The following RABGAP1L variants were observed in gnomAD, a reference collection of about 807,000 sequenced individuals.
RABGAP1L encodes rab GTPase-activating protein 1-like.
RABGAP1L carries 63 observed loss-of-function variants against 137.7 expected under a neutral mutation model. The ratio of observed to expected loss-of-function variants is 0.46; its 90% CI spans 0.37 to 0.56. The LOEUF (loss-of-function observed/expected upper bound fraction) is 0.56, where lower values mean the gene tolerates loss of function less well. RABGAP1L is among the 20% of genes least tolerant of loss of function. RABGAP1L has a pLI of 0.00. For missense variants in RABGAP1L, 1,095 were observed against 1,244.0 expected (o/e 0.88, Z 1.80); for synonymous variants, 431 against 433.7 (o/e 0.99, Z 0.08).
At chr1:174,563,930 C>T (rs1389824035) in intron 13 of RABGAP1L, among the ~76,000 whole-genome samples, 1 of 152,072 alleles carries the variant, frequency 6.6e-6, no homozygotes, top group African/African-American at 2.4e-5. Context: ...TAGTAGAAAA[C>T]ATGACCTCTA....
At chr1:174,186,162 A>T (rs909880752) in intron 1 of RABGAP1L, among the ~76,000 whole-genome samples, 201 of 151,726 alleles carry the variant, frequency 1.3e-3, no homozygotes, top group Non-Finnish European at 2.2e-3. Flanking sequence ...AAAAAAAAAA[A>T]TTTCTTAAAA....
chr1:174,175,890 G>A (rs1665808978), intron 1 of RABGAP1L, among the ~76,000 whole-genome samples: 1 of 152,124 alleles, frequency 6.6e-6, no homozygotes, highest in African/African-American at 2.4e-5. Flanking sequence ...CTCTCAGAGT[G>A]CTGGGATTAG....
chr1:174,854,289 GAATA>G (rs1178888925), intron 19 of RABGAP1L, among the ~76,000 whole-genome samples: 2 of 152,172 alleles, frequency 1.3e-5, no homozygotes, highest in South Asian at 2.1e-4. Context: ...CTTCATGAAT[GAATA>G]GTTTGGCAGG....
At chr1:174,630,675 T>C (rs2148310581) in intron 13 of RABGAP1L, among the ~76,000 whole-genome samples, 2 of 136,294 alleles carry the variant, frequency 1.5e-5, no homozygotes, top group Non-Finnish European at 3.1e-5. Context: ...CTAGTTTATT[T>C]GTGTAGAGGT....
At chr1:174,543,629 C>T (rs1223193061) in intron 13 of RABGAP1L, among the ~76,000 whole-genome samples, 1 of 152,138 alleles carries the variant, frequency 6.6e-6, no homozygotes, top group East Asian at 1.9e-4. Flanking sequence ...GAATTTGAGC[C>T]TGTCATTATG....
chr1:174,300,845 G>A (rs896634722), intron 10 of RABGAP1L, among the ~76,000 whole-genome samples: 1 of 152,156 alleles, frequency 6.6e-6, no homozygotes, highest in African/African-American at 2.4e-5. Context: ...CAGCCTGGGT[G>A]ACAGAGTGAG....
intron 1 of RABGAP1L, among the ~76,000 whole-genome samples, chr1:174,190,522 C>T (rs1400338627): frequency 6.6e-6 from 1 of 152,074 alleles, no homozygotes; most frequent in Non-Finnish European, 1.5e-5. Flanking sequence ...GCTTCCTTAC[C>T]CTTTTTATCC....
chr1:174,846,315 T>C (rs998413108), intron 19 of RABGAP1L, among the ~76,000 whole-genome samples: 1 of 150,226 alleles, frequency 6.7e-6, no homozygotes, highest in African/African-American at 2.5e-5. Flanking sequence ...TTAATTGTGA[T>C]GTTAGGGTGT....
intron 15 of RABGAP1L, among the ~76,000 whole-genome samples, chr1:174,687,339 G>A (rs1678553898): frequency 6.6e-6 from 1 of 152,126 alleles, no homozygotes; most frequent in African/African-American, 2.4e-5. Context: ...TACATTAATA[G>A]AATTATTCAG....
At chr1:174,917,009 CTT>C (rs756082256) in intron 19 of RABGAP1L, among the ~76,000 whole-genome samples, 1 of 152,206 alleles carries the variant, frequency 6.6e-6, no homozygotes, top group Non-Finnish European at 1.5e-5. Flanking sequence ...GGTGAGAACT[CTT>C]TTCCTGGCTT....
At chr1:174,966,007 T>C (rs978582134) in intron 20 of RABGAP1L, among the ~76,000 whole-genome samples, 4 of 152,226 alleles carry the variant, frequency 2.6e-5, no homozygotes, top group East Asian at 1.9e-4. Flanking sequence ...CTCTTTCTTA[T>C]ATAACAGATA....
At chr1:174,288,720 A>C (rs1316192331) in intron 10 of RABGAP1L, among the ~76,000 whole-genome samples, 1 of 152,166 alleles carries the variant, frequency 6.6e-6, no homozygotes, top group Admixed American at 6.5e-5. Context: ...TATGGGTCTC[A>C]TAACTTTGAC....
chr1:174,549,193 T>C (rs916326664), intron 13 of RABGAP1L, among the ~76,000 whole-genome samples: 1 of 152,208 alleles, frequency 6.6e-6, no homozygotes, highest in Non-Finnish European at 1.5e-5. Context: ...CTCTTATTGG[T>C]ATCCTGTACC....
intron 13 of RABGAP1L, among the ~76,000 whole-genome samples, chr1:174,489,110 A>G (rs942679485): frequency 2.0e-5 from 3 of 152,112 alleles, no homozygotes; most frequent in African/African-American, 7.2e-5. Context: ...TTCAGGACAT[A>G]GGCATGGGCA....
chr1:174,712,485 C>T (rs1192694793), intron 17 of RABGAP1L, among the ~76,000 whole-genome samples: 3 of 152,122 alleles, frequency 2.0e-5, no homozygotes, highest in African/African-American at 4.8e-5. Flanking sequence ...AGCGAGACCA[C>T]GAACCCACCA....
At chr1:174,776,676 C>T (rs79904921) in intron 18 of RABGAP1L, among the ~76,000 whole-genome samples, 14,123 of 152,200 alleles carry the variant, frequency 0.093, 873 homozygotes, top group East Asian at 0.22. Context: ...TACCTGTTTG[C>T]ATTTAATGGC....
chr1:174,676,513 C>G (rs1033290222), intron 14 of RABGAP1L, among the ~76,000 whole-genome samples: 6 of 152,154 alleles, frequency 3.9e-5, no homozygotes, highest in South Asian at 2.1e-4. Flanking sequence ...TGGATTGAAG[C>G]AGCCGATCAA....
At chr1:174,526,292 T>TTTG (rs536806087) in intron 13 of RABGAP1L, among the ~76,000 whole-genome samples, 6 of 152,206 alleles carry the variant, frequency 3.9e-5, no homozygotes, top group Admixed American at 2.6e-4. Context: ...CCTATAGTTT[T>TTTG]TTGTTGTTGT....
intron 19 of RABGAP1L, among the ~76,000 whole-genome samples, chr1:174,822,943 T>C (rs1240805693): frequency 6.6e-6 from 1 of 152,190 alleles, no homozygotes; most frequent in Non-Finnish European, 1.5e-5. Context: ...AAAATTAACC[T>C]GATGGGTAAA....
Sources: allele counts gnomAD v4.1 joint callset (sites outside exome capture counted in the v4.1 genomes callset), GRCh38; gene constraint gnomAD v4.1.1; transcripts MANE v1.5; gene names NCBI Gene and HGNC (gene_info 2026-07-23, HGNC 2026-07-21).